PTPRD: variants seen among roughly 807,000 people sequenced by gnomAD.
The protein encoded by PTPRD is protein tyrosine phosphatase receptor type D.
Under a neutral mutation model 214.5 loss-of-function variants are expected in PTPRD, and 34 were observed. That is an observed-to-expected ratio of 0.16 (90% confidence interval 0.12 to 0.21). The LOEUF is 0.21. Ranked by LOEUF, PTPRD falls within the 10% of genes least tolerant of loss-of-function variation. The pLI is 1.00. For synonymous variants in PTPRD, 1,128 were observed against 845.7 expected (o/e 1.33, Z -5.79); for missense variants, 2,545 against 2,398.7 (o/e 1.06, Z -1.27).
chr9:8,318,931 T>A (rs1295534385), intron 45 of PTPRD, among the ~76,000 whole-genome samples: 1 of 152,108 alleles, frequency 6.6e-6, no homozygotes, highest in Non-Finnish European at 1.5e-5. Flanking sequence ...CTATTTTGCT[T>A]AAATGTGCAT....
intron 2 of PTPRD, among the ~76,000 whole-genome samples, chr9:10,370,306 C>G (rs2097585250): frequency 6.6e-6 from 1 of 152,038 alleles, no homozygotes; most frequent in South Asian, 2.1e-4. Flanking sequence ...CACAAGCAAG[C>G]CACTTAACTG....
rs117992403 is a variant in PTPRD at position 9,563,048 on chromosome 9, C to T, written c.-237+11684G>A. Among the ~76,000 whole-genome samples, 206 of 152,222 alleles carry T rather than the reference C, an allele frequency of 1.4e-3. 5 individuals are homozygous for T. The East Asian group carries it at 0.034, about 25-fold the overall frequency. On this transcript the variant is annotated intron_variant, in intron 8 of 45. Transcript: ENST00000381196. ...ATTTTTAATAAATCACCTTTTTCAA[C>T]TGAATATAAAATTTTAGCTAATTGT...
chr9:8,835,425 G>C (rs1488148013), intron 11 of PTPRD, among the ~76,000 whole-genome samples: 1 of 152,222 alleles, frequency 6.6e-6, no homozygotes, highest in Non-Finnish European at 1.5e-5. Flanking sequence ...GCTTCTTAGA[G>C]TCTCCCTTGA....
intron 9 of PTPRD, among the ~76,000 whole-genome samples, chr9:9,199,809 C>CATAT (rs34908691): frequency 6.6e-6 from 1 of 151,078 alleles, no homozygotes; most frequent in East Asian, 2.0e-4. Flanking sequence ...TTATAAACAT[C>CATAT]ATATATATAT....
intron 10 of PTPRD, among the ~76,000 whole-genome samples, chr9:9,047,721 A>G (rs932997100): frequency 3.3e-5 from 5 of 152,100 alleles, no homozygotes; most frequent in African/African-American, 1.2e-4. Context: ...CTAGACCCAT[A>G]TCTCCAATCA....
intron 9 of PTPRD, among the ~76,000 whole-genome samples, chr9:9,392,445 G>A (rs1307688002): frequency 6.6e-6 from 1 of 152,158 alleles, no homozygotes; most frequent in Admixed American, 6.5e-5. Flanking sequence ...GGATTCAACT[G>A]AGATAAAATT....
At chr9:9,989,016 C>CAAAAAAAAAAAAAAAAA (rs397836899) in intron 4 of PTPRD, among the ~76,000 whole-genome samples, 12 of 36,282 alleles carry the variant, frequency 3.3e-4, no homozygotes, top group African/African-American at 6.9e-4. Flanking sequence ...TTTCACTGAC[C>CAAAAAAAAAAAAAAAAA]AAAAAAAAAA....
At chr9:8,743,160 A>G (rs1034849359) in intron 11 of PTPRD, among the ~76,000 whole-genome samples, 4 of 152,004 alleles carry the variant, frequency 2.6e-5, no homozygotes, top group African/African-American at 4.8e-5. Flanking sequence ...TGCTTTCTAA[A>G]CCCACCAATT....
intron 14 of PTPRD, among the ~76,000 whole-genome samples, chr9:8,596,083 A>G (rs573447385): frequency 6.6e-6 from 1 of 152,288 alleles, no homozygotes; most frequent in East Asian, 1.9e-4. Context: ...TTTTTCACAA[A>G]AGTAATATAT....
At chr9:8,777,146 T>C (rs1398584490) in intron 11 of PTPRD, among the ~76,000 whole-genome samples, 1 of 151,764 alleles carries the variant, frequency 6.6e-6, no homozygotes. Flanking sequence ...CGCCTAATTT[T>C]TTGTTGTTGT....
intron 3 of PTPRD, among the ~76,000 whole-genome samples, chr9:10,105,120 G>T (rs1441843105): frequency 6.6e-6 from 1 of 151,686 alleles, no homozygotes; most frequent in Non-Finnish European, 1.5e-5. Flanking sequence ...TTTACCTTTG[G>T]AATGAGGACT....
At chr9:8,926,332 C>G (rs1055789541) in intron 11 of PTPRD, among the ~76,000 whole-genome samples, 1 of 152,094 alleles carries the variant, frequency 6.6e-6, no homozygotes, top group Admixed American at 6.6e-5. Flanking sequence ...GTATCTTATG[C>G]TTACCTCAAT....
intron 2 of PTPRD, among the ~76,000 whole-genome samples, chr9:10,369,033 A>G (rs1460929207): frequency 1.3e-5 from 2 of 152,054 alleles, no homozygotes; most frequent in African/African-American, 4.8e-5. Flanking sequence ...AAATTAAGCA[A>G]AACAAAAACA....
At chr9:9,332,274 A>G (rs868442648) in intron 9 of PTPRD, among the ~76,000 whole-genome samples, 47 of 152,194 alleles carry the variant, frequency 3.1e-4, no homozygotes, top group African/African-American at 1.0e-3. Context: ...TCATTTCCAG[A>G]AACAGCAGGT....
intron 8 of PTPRD, among the ~76,000 whole-genome samples, chr9:9,524,679 A>G (rs933919485): frequency 6.6e-6 from 1 of 152,118 alleles, no homozygotes; most frequent in Non-Finnish European, 1.5e-5. Context: ...ACGTATAGTC[A>G]TTTTGTCTTT....
chr9:9,205,590 G>C (rs2099944343), intron 9 of PTPRD, among the ~76,000 whole-genome samples: 1 of 152,084 alleles, frequency 6.6e-6, no homozygotes, highest in Non-Finnish European at 1.5e-5. Flanking sequence ...TATCTAAAAT[G>C]ACATTGAGCA....
intron 40 of PTPRD, 112 bp from the exon 41 acceptor site, chr9:8,341,380 TTAAAG>T: frequency 3.5e-6 from 4 of 1,152,908 alleles, no homozygotes; most frequent in Non-Finnish European, 3.6e-6. Context: ...TTTTGTTTAC[TTAAAG>T]TAAATGACTA....
At chr9:9,786,586 C>G (rs1768878) in intron 5 of PTPRD, among the ~76,000 whole-genome samples, 99,625 of 152,036 alleles carry the variant, frequency 0.66, 33,477 homozygotes, top group Middle Eastern at 0.82. Flanking sequence ...AGAAGCAAGA[C>G]GAGGAGTACT....
In PTPRD at chr9:9,025,989, C is replaced by CAAAG. The variant is rs543802693; in HGVS notation, c.-142-7258_-142-7255dup. ...CTAATGGGTAACAGGTAATAAATGA[C>CAAAG]AAAGAAAGAAAGAAAGAGAAAGACA... On this transcript the variant is annotated intron_variant, in intron 10 of 45. Transcript: ENST00000381196. 1.6e-3 allele frequency among the ~76,000 whole-genome samples: 240 copies of CAAAG among 151,066 alleles called. 2 individuals are homozygous for CAAAG. Among genetic ancestry groups the CAAAG allele is most frequent in the African/African-American group, 5.5e-3 (227 of 41,142 alleles).
Sources: allele counts gnomAD v4.1 joint callset (sites outside exome capture counted in the v4.1 genomes callset), GRCh38; gene constraint gnomAD v4.1.1; transcripts MANE v1.5; gene names NCBI Gene and HGNC (gene_info 2026-07-23, HGNC 2026-07-21).